SCAPER: variants seen among roughly 807,000 people sequenced by gnomAD.
SCAPER encodes the protein S-phase cyclin A associated protein in the ER.
SCAPER carries 98 observed loss-of-function variants against 182.2 expected under a neutral mutation model. The observed-to-expected ratio is 0.54, with a 90% CI of 0.46 to 0.64. SCAPER has a LOEUF of 0.64. SCAPER is among the 30% of genes least tolerant of loss of function. The pLI is 0.00. For synonymous variants in SCAPER, 605 were observed against 564.6 expected (o/e 1.07, Z -1.01); for missense variants, 1,432 against 1,690.0 (o/e 0.85, Z 2.68).
At chr15:76,755,232 AGAAC>A (rs925324394) in intron 14 of SCAPER, among the ~76,000 whole-genome samples, 1 of 152,210 alleles carries the variant, frequency 6.6e-6, no homozygotes, top group Non-Finnish European at 1.5e-5. Flanking sequence ...TGACTCTTGC[AGAAC>A]CCCACAAGAG....
At chr15:76,510,074 C>T (rs1293711840) in intron 23 of SCAPER, among the ~76,000 whole-genome samples, 1 of 152,146 alleles carries the variant, frequency 6.6e-6, no homozygotes, top group African/African-American at 2.4e-5. Flanking sequence ...CAAAAATCAA[C>T]TCAAGATGGA....
chr15:76,626,821 C>T (rs1028322498), intron 21 of SCAPER, among the ~76,000 whole-genome samples: 4 of 152,176 alleles, frequency 2.6e-5, no homozygotes, highest in East Asian at 3.8e-4. Flanking sequence ...GGAATGTGTA[C>T]GCTCTTAAAA....
In SCAPER at chr15:76,348,451, A is replaced by G. The variant is rs2040314174; in HGVS notation, c.*182T>C. On this transcript the variant is annotated 3_prime_UTR_variant, in exon 32 of 32. Transcript: ENST00000563290. ...AAATGAAATAAACTCAACTTGCAAA[A>G]TTAGCAAGTAGAACATTCAAGTATC... 9.4e-6 allele frequency: 4 copies of G among 425,720 alleles called. No individual in the cohort carries two copies. In the East Asian group the frequency reaches 1.5e-4, roughly 15 times the overall value. The allele number at this position is 425,720 out of a possible 1,614,324, so 26.4% of individuals were successfully genotyped here.
At chr15:76,690,232 T>A (rs1215798396) in intron 20 of SCAPER, among the ~76,000 whole-genome samples, 1 of 152,050 alleles carries the variant, frequency 6.6e-6, no homozygotes, top group African/African-American at 2.4e-5. Context: ...ACCAAATATA[T>A]ATAACCCCAG....
At chr15:76,890,138 T>C (rs1048742623) in intron 1 of SCAPER, among the ~76,000 whole-genome samples, 1 of 152,188 alleles carries the variant, frequency 6.6e-6, no homozygotes, top group Non-Finnish European at 1.5e-5. Flanking sequence ...AGACACAATG[T>C]ACCAGAATCT....
intron 23 of SCAPER, among the ~76,000 whole-genome samples, chr15:76,512,799 G>A (rs1187226816): frequency 6.8e-6 from 1 of 148,076 alleles, no homozygotes; most frequent in Non-Finnish European, 1.5e-5. Context: ...AGGCTATTCA[G>A]AGCCAACTTT....
At chr15:76,635,251 T>C (rs2053491504) in intron 21 of SCAPER, among the ~76,000 whole-genome samples, 1 of 152,122 alleles carries the variant, frequency 6.6e-6, no homozygotes, top group Non-Finnish European at 1.5e-5. Context: ...CATCACTTCA[T>C]CATGGGGTGC....
At chr15:76,727,001 A>C (rs11072618) in intron 17 of SCAPER, among the ~76,000 whole-genome samples, 1 of 151,790 alleles carries the variant, frequency 6.6e-6, no homozygotes, top group Non-Finnish European at 1.5e-5. Flanking sequence ...GATAAATTTC[A>C]TGCTATTTAT....
intron 17 of SCAPER, among the ~76,000 whole-genome samples, chr15:76,714,918 G>A (rs2059805057): frequency 6.6e-6 from 1 of 151,876 alleles, no homozygotes; most frequent in South Asian, 2.1e-4. Flanking sequence ...ACGGATTAAA[G>A]GAGAAATTTT....
chr15:76,761,784 C>T (rs2151252250), intron 14 of SCAPER, among the ~76,000 whole-genome samples: 1 of 152,220 alleles, frequency 6.6e-6, no homozygotes, highest in African/African-American at 2.4e-5. Flanking sequence ...AAATCCTGTA[C>T]ATATTTCTTA....
chr15:76,482,945 C>A (rs1361140664), intron 24 of SCAPER, among the ~76,000 whole-genome samples: 1 of 151,996 alleles, frequency 6.6e-6, no homozygotes, highest in Non-Finnish European at 1.5e-5. Flanking sequence ...TTGATCAATG[C>A]AATCTCAATC....
chr15:76,526,120 A>G (rs2043178886), intron 23 of SCAPER, among the ~76,000 whole-genome samples: 1 of 150,250 alleles, frequency 6.7e-6, no homozygotes. Flanking sequence ...TATATATCCT[A>G]TTCCTTCCCT....
At chr15:76,428,349 G>T (rs572752006) in intron 26 of SCAPER, among the ~76,000 whole-genome samples, 1 of 152,114 alleles carries the variant, frequency 6.6e-6, no homozygotes, top group Non-Finnish European at 1.5e-5. Flanking sequence ...ATATGGAGTC[G>T]ACCTAAGTGT....
intron 21 of SCAPER, among the ~76,000 whole-genome samples, chr15:76,664,370 G>C (rs1400782405): frequency 6.6e-6 from 1 of 152,172 alleles, no homozygotes; most frequent in Non-Finnish European, 1.5e-5. Flanking sequence ...AGTTAGATTG[G>C]ATGTGAGGTG....
intron 21 of SCAPER, among the ~76,000 whole-genome samples, chr15:76,646,736 C>T (rs1405849007): frequency 6.6e-6 from 1 of 152,202 alleles, no homozygotes; most frequent in Non-Finnish European, 1.5e-5. Context: ...ACCACATGTA[C>T]TCTCACAGTT....
chr15:76,701,102 A>AT (rs2058922038), intron 20 of SCAPER, among the ~76,000 whole-genome samples: 2 of 151,866 alleles, frequency 1.3e-5, no homozygotes, highest in Admixed American at 1.3e-4. Context: ...ACCTAAAAAA[A>AT]AAAAAAAGTT....
intron 21 of SCAPER, among the ~76,000 whole-genome samples, chr15:76,654,238 T>C (rs1261120853): frequency 6.6e-6 from 1 of 151,982 alleles, no homozygotes; most frequent in Non-Finnish European, 1.5e-5. Context: ...CTGTCTCTAC[T>C]AAAACTACGA....
intron 20 of SCAPER, among the ~76,000 whole-genome samples, chr15:76,674,611 T>C (rs1186785384): frequency 2.6e-5 from 4 of 152,138 alleles, no homozygotes; most frequent in African/African-American, 4.8e-5. Context: ...GCTCTAATCA[T>C]GAAGGGAGGG....
At chr15:76,623,518 C>A (rs1244115676) in intron 21 of SCAPER, among the ~76,000 whole-genome samples, 1 of 152,076 alleles carries the variant, frequency 6.6e-6, no homozygotes, top group African/African-American at 2.4e-5. Context: ...TTCTTCATTG[C>A]TTATTTTTGT....
Sources: gnomAD v4.1 joint callset for allele counts (sites outside exome capture counted in the v4.1 genomes callset) on GRCh38, gnomAD v4.1.1 for gene constraint, MANE v1.5 for transcripts, NCBI Gene and HGNC (gene_info 2026-07-23, HGNC 2026-07-21) for gene names.